The following ZNF609 variants were observed in gnomAD, a reference collection of about 807,000 sequenced individuals.
ZNF609 encodes the protein zinc finger protein 609.
A neutral mutation model predicts 109.5 loss-of-function variants in ZNF609; 11 were observed. The observed-to-expected ratio is 0.10, with a 90% CI of 0.06 to 0.17. ZNF609 has a LOEUF of 0.17. ZNF609 is among the 10% of genes least tolerant of loss of function. The pLI is 1.00. For missense variants in ZNF609, 1,559 were observed against 1,772.4 expected, an observed-to-expected ratio of 0.88 and a Z score of 2.16; for synonymous variants, 646 against 662.0, an observed-to-expected ratio of 0.98 and a Z score of 0.37.
intron 1 of ZNF609, among the ~76,000 whole-genome samples, chr15:64,492,809 G>C (rs1304118928): frequency 2.0e-5 from 3 of 152,162 alleles, no homozygotes; most frequent in African/African-American, 7.2e-5. Flanking sequence ...GGAAATTTGA[G>C]TCCAGAAATC....
At chr15:64,475,858 T>G (rs2140333467) in intron 1 of ZNF609, among the ~76,000 whole-genome samples, 1 of 152,322 alleles carries the variant, frequency 6.6e-6, no homozygotes, top group Middle Eastern at 3.4e-3. Flanking sequence ...TAGAACTTGA[T>G]TCTTGAAAAA....
rs1894025553 is a variant in ZNF609 at position 64,529,634 on chromosome 15, C to T, written c.747+29468C>T. The T allele has an allele frequency of 6.8e-5, 62 of 912,080 alleles. No individual in the cohort carries two copies. The South Asian group carries it at 7.0e-4, about 10-fold the overall frequency. 56.5% of individuals were successfully genotyped at this position (912,080 alleles called of 1,614,324 possible). ...GTCATGGTGCACCAGGCACCCAGTA[C>T]GACCAAATCTGTTGACTCTGACCTT... On this transcript the variant is annotated intron_variant, in intron 2 of 9. Coordinates refer to ENST00000326648, the MANE Select transcript of ZNF609 (RefSeq NM_015042.2).
intron 1 of ZNF609, among the ~76,000 whole-genome samples, chr15:64,465,605 T>A (rs1311552942): frequency 1.3e-5 from 2 of 152,022 alleles, no homozygotes; most frequent in Non-Finnish European, 2.9e-5. Context: ...GCTGTAGAGC[T>A]CCTGACCTCA....
intron 2 of ZNF609, among the ~76,000 whole-genome samples, chr15:64,515,686 C>T (rs111320178): frequency 0.01 from 1,550 of 152,168 alleles, 31 homozygotes; most frequent in African/African-American, 0.034. Flanking sequence ...TCTGTAATCC[C>T]AGCACTTTGG....
Position 64,577,588 on chromosome 15 carries a change from TATACAC to T in ZNF609, c.748-45235_748-45230del, listed in dbSNP as rs1485188092. On this transcript the variant is annotated intron_variant, in intron 2 of 9. Coordinates refer to ENST00000326648, the MANE Select transcript of ZNF609 (RefSeq NM_015042.2). ...AAATATATACATATATATGTGTATA[TATACAC>T]ATATAAATATATACATATATATGTG... is the stretch of plus-strand genomic sequence containing the variant. Among the ~76,000 whole-genome samples the T allele has an allele frequency of 1.2e-3, 14 of 12,112 alleles. 4 individuals carry two copies. The highest frequency in any genetic ancestry group is 0.018 in the East Asian group (2 of 114). The allele number at this position is 12,112 out of a possible 152,430, so 7.9% of individuals were successfully genotyped here. A position where few individuals can be genotyped will look rare whatever the true frequency, so the allele number is the denominator to read the frequency against.
At chr15:64,483,296 G>A (rs1480535561) in intron 1 of ZNF609, among the ~76,000 whole-genome samples, 2 of 152,144 alleles carry the variant, frequency 1.3e-5, no homozygotes, top group Admixed American at 6.5e-5. Context: ...GGTTCTCCAT[G>A]TTGGTCAGGC....
chr15:64,632,626 C>T (rs1169816171), intron 3 of ZNF609, among the ~76,000 whole-genome samples: 2 of 151,804 alleles, frequency 1.3e-5, no homozygotes, highest in African/African-American at 4.8e-5. Context: ...GAATCACACG[C>T]CTGGCTGATT....
chr15:64,654,528 T>C (rs1896462605), intron 3 of ZNF609: 1 of 152,152 alleles, frequency 6.6e-6, no homozygotes, highest in Non-Finnish European at 1.5e-5. Context: ...CTTGACCTCC[T>C]GGCCTCAAGC....
Position 64,609,473 on chromosome 15 carries a change from G to A in ZNF609, c.748-13354G>A, listed in dbSNP as rs372945288. Among the ~76,000 whole-genome samples, 38 of 150,794 alleles carry A rather than the reference G, an allele frequency of 2.5e-4. No individual in the cohort carries two copies. The East Asian group carries it at 6.4e-3, about 26-fold the overall frequency. On this transcript the variant is annotated intron_variant, in intron 2 of 9. Coordinates refer to ENST00000326648, the MANE Select transcript of ZNF609 (RefSeq NM_015042.2). ...TGGGATTACAGGCATGAGCCACCGC[G>A]CCCGGCCGTATTTTTTTATAGAGAC...
At chr15:64,544,798 G>T (rs1031000310) in intron 2 of ZNF609, among the ~76,000 whole-genome samples, 4 of 152,156 alleles carry the variant, frequency 2.6e-5, no homozygotes, top group Non-Finnish European at 4.4e-5. Context: ...CATGAGCCAG[G>T]AATACAGGGC....
At chr15:64,514,021 G>T (rs1893772025) in intron 2 of ZNF609, among the ~76,000 whole-genome samples, 1 of 151,760 alleles carries the variant, frequency 6.6e-6, no homozygotes, top group Non-Finnish European at 1.5e-5. Flanking sequence ...GAGCCCGGGA[G>T]GTCGAGGCTG....
intron 3 of ZNF609, among the ~76,000 whole-genome samples, chr15:64,651,747 T>A (rs1896418942): frequency 6.6e-6 from 1 of 152,198 alleles, no homozygotes; most frequent in South Asian, 2.1e-4. Context: ...GTGACCTAGA[T>A]GTTTGTAAGC....
At chr15:64,493,963 A>AG (rs929542321) in intron 1 of ZNF609, among the ~76,000 whole-genome samples, 2 of 152,232 alleles carry the variant, frequency 1.3e-5, no homozygotes, top group African/African-American at 4.8e-5. Context: ...GGCTGATTGA[A>AG]GAATCCTTGG....
chr15:64,591,744 CAG>C (rs1178102142), intron 2 of ZNF609, among the ~76,000 whole-genome samples: 13 of 150,112 alleles, frequency 8.7e-5, no homozygotes, highest in Admixed American at 3.3e-4. Flanking sequence ...TTTTTTGAGA[CAG>C]AGTCTTGGTC....
rs749169202 is a variant in ZNF609, at chr15:64,678,498, C to T, written c.3769+16C>T. On this transcript the variant is annotated intron_variant, in intron 6 of 9. Coordinates refer to ENST00000326648, the MANE Select transcript of ZNF609 (RefSeq NM_015042.2). ...AACTACCCAGGTACAGCACCAAGTG[C>T]CAGCACTATTCCATTCACTGGAAGG... 3 of 1,551,648 alleles carry T rather than the reference C, an allele frequency of 1.9e-6. No homozygotes were observed. In the South Asian group the frequency reaches 3.8e-5, roughly 19 times the overall value.
At chr15:64,643,975 G>A (rs1022590366) in intron 3 of ZNF609, among the ~76,000 whole-genome samples, 12 of 151,914 alleles carry the variant, frequency 7.9e-5, no homozygotes, top group African/African-American at 2.9e-4. Flanking sequence ...ATGGTAGTAT[G>A]TACCTGTAAT....
chr15:64,551,168 A>G (rs920354270), intron 2 of ZNF609, among the ~76,000 whole-genome samples: 1 of 151,808 alleles, frequency 6.6e-6, no homozygotes, highest in African/African-American at 2.4e-5. Flanking sequence ...CAGTACTCCC[A>G]CCTCGGACTC....
At position 64,685,456 on chromosome 15, in the gene ZNF609, C is replaced by T. The variant is rs1213930815; in HGVS notation, c.*3770C>T. On this transcript the variant is annotated 3_prime_UTR_variant, in exon 10 of 10. Coordinates refer to ENST00000326648, the MANE Select transcript of ZNF609 (RefSeq NM_015042.2). ...GTGTCCAGACTACCTGCCTTGTAACCCTTTTCTGCCCAGCATTGTTTTCTG... is the reference window on the plus strand; with the variant it reads ...GTGTCCAGACTACCTGCCTTGTAACTCTTTTCTGCCCAGCATTGTTTTCTG... 2.0e-5 allele frequency: 3 copies of T among 152,820 alleles called. No homozygotes were observed. The highest frequency in any genetic ancestry group is 7.2e-5 in the African/African-American group (3 of 41,420). The allele number at this position is 152,820 out of a possible 1,614,324, so 9.5% of individuals were successfully genotyped here.
chr15:64,481,948 C>G (rs1337752542), intron 1 of ZNF609, among the ~76,000 whole-genome samples: 1 of 151,886 alleles, frequency 6.6e-6, no homozygotes, highest in Admixed American at 6.6e-5. Context: ...CCACACCTGG[C>G]TAATTTTTAT....
Sources: allele counts gnomAD v4.1 joint callset (sites outside exome capture counted in the v4.1 genomes callset), GRCh38; gene constraint gnomAD v4.1.1; transcripts MANE v1.5; gene names NCBI Gene and HGNC (gene_info 2026-07-23, HGNC 2026-07-21).